Variants in PLCL2 observed in about 807,000 individuals in gnomAD.
PLCL2 encodes the protein phospholipase C like 2.
In PLCL2, 4 loss-of-function variants were observed where a neutral mutation model predicts 79.6. That is an observed-to-expected ratio of 0.05 (90% CI 0.02 to 0.11). PLCL2 has a LOEUF of 0.11. Ranked by LOEUF, PLCL2 falls within the 10% of genes least tolerant of loss-of-function variation. The pLI is 1.00. For missense variants in PLCL2, 895 were observed against 1,291.0 expected (o/e 0.69, Z 4.70); for synonymous variants, 484 against 457.7 (o/e 1.06, Z -0.73).
At chr3:16,904,338 T>G (rs1337532543) in intron 1 of PLCL2, among the ~76,000 whole-genome samples, 1 of 146,674 alleles carries the variant, frequency 6.8e-6, no homozygotes, top group Non-Finnish European at 1.5e-5. Flanking sequence ...GAGTTCATTT[T>G]GTTAACACTT....
intron 3 of PLCL2, among the ~76,000 whole-genome samples, chr3:17,026,403 A>G (rs1295336819): frequency 6.6e-6 from 1 of 152,214 alleles, no homozygotes; most frequent in African/African-American, 2.4e-5. Context: ...AGGGATTTTT[A>G]TATGGAGATT....
chr3:16,897,766 T>G (rs1381162715), intron 1 of PLCL2, among the ~76,000 whole-genome samples: 1 of 152,220 alleles, frequency 6.6e-6, no homozygotes, highest in African/African-American at 2.4e-5. Flanking sequence ...TTCTGAATGC[T>G]AGAGCATTTT....
chr3:16,967,765 A>G (rs2063821565), intron 1 of PLCL2, among the ~76,000 whole-genome samples: 2 of 152,070 alleles, frequency 1.3e-5, no homozygotes, highest in African/African-American at 4.8e-5. Flanking sequence ...TCTTTAGTTT[A>G]ATTAAGTCCC....
chr3:16,924,946 T>TG (rs1697210775), intron 1 of PLCL2, among the ~76,000 whole-genome samples: 1 of 151,652 alleles, frequency 6.6e-6, no homozygotes, highest in Non-Finnish European at 1.5e-5. Context: ...TTTTTTGAGA[T>TG]GGAGTCTCGC....
At chr3:17,048,813 A>T (rs1575603959) in intron 4 of PLCL2, among the ~76,000 whole-genome samples, 1 of 152,174 alleles carries the variant, frequency 6.6e-6, no homozygotes, top group South Asian at 2.1e-4. Context: ...CATATTATTC[A>T]TCATGTTTAG....
chr3:17,071,919 T>A (rs1199726527), intron 5 of PLCL2, among the ~76,000 whole-genome samples: 1 of 151,990 alleles, frequency 6.6e-6, no homozygotes, highest in Non-Finnish European at 1.5e-5. Context: ...CTCTGCCTCC[T>A]GGGTTCAAGT....
intron 1 of PLCL2, among the ~76,000 whole-genome samples, chr3:16,981,484 A>G (rs956811047): frequency 6.6e-6 from 1 of 152,202 alleles, no homozygotes; most frequent in African/African-American, 2.4e-5. Flanking sequence ...GGGGCATCAT[A>G]TGGAGTTTAA....
chr3:16,917,083 G>C (rs963110998), intron 1 of PLCL2, among the ~76,000 whole-genome samples: 1 of 152,122 alleles, frequency 6.6e-6, no homozygotes. Context: ...GCCTTTTCCT[G>C]GTACTTAGCC....
intron 3 of PLCL2, among the ~76,000 whole-genome samples, chr3:17,036,769 CA>C (rs1433044505): frequency 1.3e-5 from 2 of 152,174 alleles, no homozygotes; most frequent in Non-Finnish European, 2.9e-5. Context: ...ACAGCCTGTG[CA>C]ATTTATAAAA....
At chr3:16,968,400 G>A (rs1193132306) in intron 1 of PLCL2, among the ~76,000 whole-genome samples, 2 of 152,064 alleles carry the variant, frequency 1.3e-5, no homozygotes. Flanking sequence ...TCCTATCCAT[G>A]AGCATGGAAT....
chr3:16,943,183 A>T (rs1424694802), intron 1 of PLCL2, among the ~76,000 whole-genome samples: 1 of 152,238 alleles, frequency 6.6e-6, no homozygotes, highest in Non-Finnish European at 1.5e-5. Context: ...TTATATTATT[A>T]AAAACACTAC....
intron 4 of PLCL2, among the ~76,000 whole-genome samples, chr3:17,047,855 A>T (rs908868803): frequency 6.7e-6 from 1 of 150,278 alleles, no homozygotes; most frequent in Admixed American, 6.6e-5. Flanking sequence ...CTTTCATTAA[A>T]CTCTCACTTC....
chr3:16,973,141 G>A (rs2063890972), intron 1 of PLCL2, among the ~76,000 whole-genome samples: 4 of 152,086 alleles, frequency 2.6e-5, no homozygotes, highest in African/African-American at 9.7e-5. Context: ...TCCATCTTAA[G>A]CACTCCCTTA....
intron 3 of PLCL2, among the ~76,000 whole-genome samples, chr3:17,020,141 C>A (rs1252531858): frequency 6.6e-6 from 1 of 152,146 alleles, no homozygotes; most frequent in Non-Finnish European, 1.5e-5. Context: ...GATTTACCAC[C>A]TGTTTTAAAC....
chr3:17,020,895 C>T (rs1359144494), intron 3 of PLCL2, among the ~76,000 whole-genome samples: 1 of 152,102 alleles, frequency 6.6e-6, no homozygotes, highest in Admixed American at 6.6e-5. Context: ...GTGTCATATA[C>T]TTTTTCTTGT....
intron 1 of PLCL2, among the ~76,000 whole-genome samples, chr3:16,895,205 A>G (rs559426716): frequency 6.6e-6 from 1 of 152,246 alleles, no homozygotes; most frequent in Non-Finnish European, 1.5e-5. Flanking sequence ...CTTAAAGGGT[A>G]TATTTTAATG....
Position 16,886,841 on chromosome 3 carries a change from A to G in PLCL2, c.327+1475A>G, listed in dbSNP as rs1696236185. On this transcript the variant is annotated intron_variant, in intron 1 of 5. Transcript: ENST00000615277. The surrounding 1 kb of genome is among the most constrained non-coding windows in gnomAD (Gnocchi z 4.2). Reference sequence around the variant, plus strand: ...CATTTCTGTTTTTATTTGTCATAAAATATTTGTGGTGATTTTGCATTGTGG... The same window carrying G: ...CATTTCTGTTTTTATTTGTCATAAAGTATTTGTGGTGATTTTGCATTGTGG... 6.6e-6 allele frequency among the ~76,000 whole-genome samples: 1 copy of G among 152,234 alleles called. No individual in the cohort carries two copies. The highest frequency in any genetic ancestry group is 1.5e-5 in the Non-Finnish European group (1 of 68,044).
chr3:16,969,710 C>A (rs1252323414), intron 1 of PLCL2, among the ~76,000 whole-genome samples: 1 of 151,816 alleles, frequency 6.6e-6, no homozygotes, highest in Admixed American at 6.6e-5. Context: ...ATTCATTGAT[C>A]CTTTGTATGT....
chr3:17,045,927 C>T (rs2064775600), intron 4 of PLCL2, among the ~76,000 whole-genome samples: 1 of 152,124 alleles, frequency 6.6e-6, no homozygotes, highest in African/African-American at 2.4e-5. Flanking sequence ...CATAGGAGAA[C>T]ACCAACTTTG....
Sources: gnomAD v4.1 joint callset for allele counts (sites outside exome capture counted in the v4.1 genomes callset) on GRCh38, gnomAD v4.1.1 for gene constraint, Gnocchi (gnomAD v3.1) non-coding constraint, MANE v1.5 for transcripts, NCBI Gene and HGNC (gene_info 2026-07-23, HGNC 2026-07-21) for gene names.